The following TTN variants were observed in gnomAD, a reference collection of about 807,000 sequenced individuals.
The protein encoded by TTN is titin.
A neutral mutation model predicts 3,223.0 loss-of-function variants in TTN; 1,525 were observed. The observed-to-expected ratio is 0.47, with a 90% confidence interval of 0.45 to 0.49. The LOEUF (loss-of-function observed/expected upper bound fraction) is 0.49, where lower values mean the gene tolerates loss of function less well. Among genes scored for constraint, TTN ranks in the 20% least tolerant of loss-of-function variants. The pLI, the probability that TTN is intolerant of heterozygous loss-of-function variation, is 0.00. For missense variants in TTN, 40,786 were observed against 43,424.0 expected (o/e 0.94, Z 5.40); for synonymous variants, 14,094 against 15,161.0 (o/e 0.93, Z 5.17).
At chr2:178,721,306 T>C in intron 78 of TTN, 104 bp from the exon 79 acceptor site, 1 of 1,025,674 alleles carries the variant, frequency 9.7e-7, no homozygotes, top group Non-Finnish European at 1.3e-6. Flanking sequence ...TAAACTGGTT[T>C]GTTATTAAGA....
intron 6 of TTN, chr2:178,798,629 G>A (rs988404786): frequency 1.3e-5 from 2 of 152,104 alleles, no homozygotes; most frequent in Non-Finnish European, 2.9e-5. Context: ...TTCTTATTGT[G>A]ACTCTCTTTA....
chr2:178,587,036 G>A, intron 307 of TTN, 82 bp downstream of exon 307: 2 of 1,534,692 alleles, frequency 1.3e-6, no homozygotes, highest in Non-Finnish European at 1.8e-6. Flanking sequence ...TCTTTCAGAA[G>A]TGGATTAAAA....
intron 156 of TTN, 130 bp downstream of exon 156, chr2:178,670,960 T>G: frequency 1.5e-6 from 1 of 679,094 alleles, no homozygotes; most frequent in Non-Finnish European, 2.4e-6. Flanking sequence ...AGATATTAGT[T>G]TGTTTTAGAC....
intron 47 of TTN, chr2:178,745,807 T>C (rs1560960237): frequency 6.2e-7 from 1 of 1,613,308 alleles, no homozygotes; most frequent in East Asian, 2.2e-5. Flanking sequence ...ACTGAAAATA[T>C]GCTGCTGTAC....
rs1452172511 is a variant in TTN at position 178,647,412 on chromosome 2, G to T, written c.40110C>A (p.Ile13370=). The change falls in exon 214 of 363, where the codon ATC becomes ATA. Residue 13370 remains isoleucine (I), a synonymous_variant. Transcript: ENST00000589042. ...IIPEKEVSVP[I]PAEPEVPPAE... ...CAGGTGGAACTTCTGGCTCTGCAGG[G>T]ATAGGCACAGACACTTCCTTTTCTG... The T allele has an allele frequency of 1.3e-6, 2 of 1,549,712 alleles. No homozygotes were observed. The highest frequency in any genetic ancestry group is 1.2e-5 in the South Asian group (1 of 84,006).
rs1372586778 is a variant in TTN, at chr2:178,732,336, A to G, written c.16633T>C (p.Phe5545Leu). The G allele has an allele frequency of 1.9e-6, 3 of 1,600,126 alleles. No individual in the cohort carries two copies. The highest frequency in any genetic ancestry group is 8.5e-7 in the Non-Finnish European group (1 of 1,172,308). ...TGTGATGGCTCTAACTTTTCAACAA[A>G]TGTGGCAGGTTCTGTGGAAGGAAGG... ...ANLFVKEPAT[F>L]VEKLEPSQLL... The change falls in exon 57 of 363, where the codon TTT (phenylalanine) becomes CTT (leucine). Residue 5545 changes from phenylalanine (F) to leucine (L), a missense_variant. Phe to Leu is a conservative substitution (Grantham distance 22). Transcript: ENST00000589042.
In TTN at chr2:178,615,350, A is replaced by G. The variant is rs752629624; in HGVS notation, c.48595T>C (p.Ser16199Pro). ...GYIVERCPRGSDKWVACGEPV... is the reference protein window; with the variant it reads ...GYIVERCPRGPDKWVACGEPV... ...TCTCCACAGGCAACCCATTTATCAGAACCACGTGGACATCTTTCAACTATA... is the reference window on the plus strand; with the variant it reads ...TCTCCACAGGCAACCCATTTATCAGGACCACGTGGACATCTTTCAACTATA... Residue 16199 changes from serine to proline, a missense_variant, in exon 259 of 363, where the codon TCT becomes CCT. Transcript: ENST00000589042. 176 of 1,612,354 alleles carry G rather than the reference A, an allele frequency of 1.1e-4. No homozygotes were observed. The highest frequency in any genetic ancestry group is 1.4e-4 in the Non-Finnish European group (169 of 1,179,018).
Position 178,547,804 on chromosome 2 carries a change from A to G in TTN, c.93822T>C (p.Thr31274=). The change falls in exon 339 of 363, where the codon ACT becomes ACC. Residue 31274 remains threonine, a synonymous_variant. Coordinates refer to ENST00000589042, the MANE Select transcript of TTN (RefSeq NM_001267550.2). ...AGTCACCTCTCATGCTGTCCTTTAC[A>G]GTCAGTGTGGTTCTGTCTTTTGTTG... The part of the protein sequence containing the change: ...ITTTKDRTTL[T]VKDSMRGDSG... 1 of 1,613,860 alleles carries G rather than the reference A, an allele frequency of 6.2e-7. No individual in the cohort carries two copies. Among genetic ancestry groups the G allele is most frequent in the Non-Finnish European group, 8.5e-7 (1 of 1,179,834 alleles).
chr2:178,526,895 AG>A lies in TTN; in HGVS notation c.*116del. ...AATATTTTTGAACTTTGACTCATTT[AG>A]GTTGATACAAAACTACTTTTTTTTC... is the stretch of plus-strand genomic sequence containing the variant. On this transcript the variant is annotated 3_prime_UTR_variant, in exon 363 of 363. Transcript: ENST00000589042. 1.1e-6 allele frequency: 1 copy of A among 905,304 alleles called. No individual in the cohort carries two copies. 56.1% of individuals were successfully genotyped at this position (905,304 alleles called of 1,614,324 possible).
At position 178,713,166 on chromosome 2, in the gene TTN, C is replaced by T; in HGVS notation, c.26968G>A (p.Glu8990Lys). Residue 8990 changes from glutamate to lysine, a missense_variant, in exon 93 of 363, where the codon GAA becomes AAA. By Grantham distance (56) the Glu-to-Lys change is moderately conservative (BLOSUM62 1). Coordinates refer to ENST00000589042, the MANE Select transcript of TTN (RefSeq NM_001267550.2). Reference protein sequence around the residue: ...TCALTVNMLEESDSGDYTCIA... With the variant: ...TCALTVNMLEKSDSGDYTCIA... ...CATGTGTAGTCACCACTGTCTGATT[C>T]TTCCAGCATGTTCACAGTTAAAGCA... 1 of 1,613,782 alleles carries T rather than the reference C, an allele frequency of 6.2e-7. No homozygotes were observed. The highest frequency in any genetic ancestry group is 8.5e-7 in the Non-Finnish European group (1 of 1,179,758).
Position 178,564,459 on chromosome 2 carries a change from C to T in TTN, c.81673G>A (p.Val27225Ile), listed in dbSNP as rs375211424. ...GRWMKASFTNVLETEFTVSGL... is the reference protein window; with the variant it reads ...GRWMKASFTNILETEFTVSGL... ...CTCACTGTAAATTCAGTTTCTAATA[C>T]GTTGGTAAAGCTGGCTTTCATCCAG... The change falls in exon 326 of 363, where the codon GTA becomes ATA. Residue 27225 changes from valine (V) to isoleucine (I), a missense_variant. By Grantham distance (29) the Val-to-Ile change is conservative. Coordinates refer to ENST00000589042, the MANE Select transcript of TTN (RefSeq NM_001267550.2). The T allele has an allele frequency of 5.7e-5, 92 of 1,612,150 alleles. No homozygotes were observed. The highest frequency in any genetic ancestry group is 4.4e-4 in the Admixed American group (26 of 59,718).
At position 178,588,749 on chromosome 2, in the gene TTN, T is replaced by C; in HGVS notation, c.62976A>G (p.Gly20992=). 6.2e-7 allele frequency: 1 copy of C among 1,613,324 alleles called. No individual in the cohort carries two copies. Among genetic ancestry groups the C allele is most frequent in the Non-Finnish European group, 8.5e-7 (1 of 1,179,556 alleles). ...CCAAAAAGTATCCAGTTATAGACTTTCCACCATCATATTCAGGTGGATTCC... is the reference window on the plus strand; with the variant it reads ...CCAAAAAGTATCCAGTTATAGACTTCCCACCATCATATTCAGGTGGATTCC... ...VVWNPPEYDG[G]KSITGYFLEK... The change falls in exon 304 of 363, where the codon GGA becomes GGG. Residue 20992 remains glycine, a synonymous_variant. Transcript: ENST00000589042.
intron 18 of TTN, 88 bp downstream of exon 18, chr2:178,782,718 C>T (rs2092888266): frequency 1.2e-6 from 2 of 1,607,956 alleles, no homozygotes; most frequent in South Asian, 2.2e-5. Flanking sequence ...GACATCATTT[C>T]AAGGTGCACA....
At chr2:178,603,798 A>G in intron 282 of TTN, 78 bp downstream of exon 282, 1 of 1,344,082 alleles carries the variant, frequency 7.4e-7, no homozygotes, top group Non-Finnish European at 9.9e-7. Flanking sequence ...AGAAAAATAT[A>G]AGAAATTTAA....
intron 44 of TTN, 72 bp from the exon 45 acceptor site, chr2:178,757,988 A>C: frequency 6.8e-7 from 1 of 1,460,426 alleles, no homozygotes; most frequent in Non-Finnish European, 9.1e-7. Flanking sequence ...AGTTGTCTAC[A>C]GATTTGTCAC....
At chr2:178,649,527 T>G (rs1301545026) in intron 212 of TTN, 27 bp downstream of exon 212, 1 of 1,543,594 alleles carries the variant, frequency 6.5e-7, no homozygotes, top group African/African-American at 1.4e-5. Context: ...ACTTTCTTTT[T>G]TATGATGCCA....
Position 178,670,276 on chromosome 2 carries a change from T to C in TTN, c.35328A>G (p.Lys11776=), listed in dbSNP as rs879101062. The stretch of plus-strand genomic sequence containing the variant: ...CACGTACTTTTTCTTCTACCACAAT[T>C]TTCTTAGGCACCTCCGGTACTTTAA... The part of the protein sequence containing the change: ...PPAKVPEVPK[K]IVVEEKVRVP... The change falls in exon 157 of 363, where the codon AAA becomes AAG. Residue 11776 remains lysine (K), a synonymous_variant. Coordinates refer to ENST00000589042, the MANE Select transcript of TTN (RefSeq NM_001267550.2). 1 of 1,492,376 alleles carries C rather than the reference T, an allele frequency of 6.7e-7. No homozygotes were observed. The highest frequency in any genetic ancestry group is 8.9e-7 in the Non-Finnish European group (1 of 1,127,134). The allele number at this position is 1,492,376 out of a possible 1,614,324, so 92.4% of individuals were successfully genotyped here.
In TTN at chr2:178,576,571, G is replaced by A; in HGVS notation, c.69673C>T (p.Pro23225Ser). ...SAENRAGIGP[P>S]SEASDSVLMK... ...AGAACAGAATCTGAAGCCTCACTGG[G>A]TGGACCAATTCCTGCTCTGTTTTCT... Residue 23225 changes from proline to serine, a missense_variant, in exon 325 of 363, where the codon CCC becomes TCC. Coordinates refer to ENST00000589042, the MANE Select transcript of TTN (RefSeq NM_001267550.2). The surrounding 1 kb of genome is among the most constrained non-coding windows in gnomAD (Gnocchi z 4.3). 1.2e-6 allele frequency: 2 copies of A among 1,613,584 alleles called. No homozygotes were observed. The highest frequency in any genetic ancestry group is 1.3e-5 in the African/African-American group (1 of 75,020).
At chr2:178,671,614 C>T (rs990552593) in intron 155 of TTN, among the ~76,000 whole-genome samples, 2 of 151,688 alleles carry the variant, frequency 1.3e-5, no homozygotes, top group Non-Finnish European at 3.0e-5. Flanking sequence ...GATTATTTTG[C>T]CTGAACATGT....
Sources: allele counts gnomAD v4.1 joint callset (sites outside exome capture counted in the v4.1 genomes callset), GRCh38; gene constraint gnomAD v4.1.1; non-coding constraint Gnocchi (gnomAD v3.1); transcripts MANE v1.5; gene names NCBI Gene and HGNC (gene_info 2026-07-23, HGNC 2026-07-21).